FBXL17: variants seen among roughly 807,000 people sequenced by gnomAD.
The protein encoded by FBXL17 is F-box and leucine rich repeat protein 17.
A neutral mutation model predicts 66.2 loss-of-function variants in FBXL17; 22 were observed. That is an observed-to-expected ratio of 0.33 (90% CI 0.24 to 0.47). FBXL17 has a LOEUF of 0.47. Ranked by LOEUF, FBXL17 falls within the 20% of genes least tolerant of loss-of-function variation. The pLI, the probability that FBXL17 is intolerant of heterozygous loss-of-function variation, is 1.00. For synonymous variants in FBXL17, 474 were observed against 400.5 expected (o/e 1.18, Z -2.19); for missense variants, 878 against 948.2 (o/e 0.93, Z 0.97).
intron 6 of FBXL17, among the ~76,000 whole-genome samples, chr5:108,120,593 G>A (rs537199357): frequency 2.0e-5 from 3 of 152,260 alleles, no homozygotes; most frequent in Admixed American, 2.0e-4. Context: ...CGCTTTGGGA[G>A]GTGGAGGCAG....
chr5:108,307,100 G>A (rs1006833602), intron 4 of FBXL17, among the ~76,000 whole-genome samples: 7 of 151,942 alleles, frequency 4.6e-5, no homozygotes, highest in Non-Finnish European at 1.0e-4. Flanking sequence ...GTATCAATGT[G>A]TGTAACGCAG....
At chr5:107,870,041 C>T (rs1458085178) in intron 8 of FBXL17, among the ~76,000 whole-genome samples, 2 of 152,266 alleles carry the variant, frequency 1.3e-5, no homozygotes, top group Non-Finnish European at 2.9e-5. Context: ...TTTAAAAATC[C>T]CAATGCCCAG....
In FBXL17 at chr5:108,154,602, A is replaced by AT. The variant is rs1465441615; in HGVS notation, c.1745+31514_1745+31515insA. Among the ~76,000 whole-genome samples the AT allele has an allele frequency of 4.1e-4, 30 of 72,926 alleles. No homozygotes were observed. The East Asian group carries it at 5.3e-3, about 13-fold the overall frequency. The allele number at this position is 72,926 out of a possible 152,430, so 47.8% of individuals were successfully genotyped here. On this transcript the variant is annotated intron_variant, in intron 6 of 8. Transcript: ENST00000542267. ...TGAAACTCAGTTTCAAAAAAAAAAA[A>AT]AAAAATATATATATACACACACACA...
chr5:108,081,390 G>C (rs902753324), intron 6 of FBXL17, among the ~76,000 whole-genome samples: 8 of 152,126 alleles, frequency 5.3e-5, no homozygotes, highest in African/African-American at 1.9e-4. Context: ...ATTTTGAGAA[G>C]TTAGGGTTCC....
At chr5:108,203,220 T>C (rs1304019830) in intron 5 of FBXL17, among the ~76,000 whole-genome samples, 1 of 152,076 alleles carries the variant, frequency 6.6e-6, no homozygotes, top group Non-Finnish European at 1.5e-5. Flanking sequence ...TCTTTAGTTA[T>C]GTGCCAAGAA....
chr5:107,890,516 A>T (rs1176178799), intron 7 of FBXL17, among the ~76,000 whole-genome samples: 2 of 151,798 alleles, frequency 1.3e-5, no homozygotes, highest in Non-Finnish European at 2.9e-5. Flanking sequence ...AAAAAAAAAT[A>T]AGCTGGGTGT....
rs369221906 is a variant in FBXL17, at chr5:108,160,453, GAGA to G, written c.1745+25661_1745+25663del. Among the ~76,000 whole-genome samples the G allele has an allele frequency of 3.1e-3, 471 of 152,282 alleles. 3 individuals carry two copies. Among genetic ancestry groups the G allele is most frequent in the African/African-American group, 0.011 (454 of 41,564 alleles). ...AACCACTACTTTCTTGTGAAACAAAGAGAAGAAGAAGAAAGTTCTCAGTTAGTA... is the reference window on the plus strand; with the variant it reads ...AACCACTACTTTCTTGTGAAACAAAGAGAAGAAGAAAGTTCTCAGTTAGTA... On this transcript the variant is annotated intron_variant, in intron 6 of 8. Coordinates refer to ENST00000542267, the MANE Select transcript of FBXL17 (RefSeq NM_001163315.3).
At chr5:107,864,611 G>C (rs1454122384) in intron 8 of FBXL17, among the ~76,000 whole-genome samples, 1 of 152,148 alleles carries the variant, frequency 6.6e-6, no homozygotes, top group African/African-American at 2.4e-5. Flanking sequence ...CTGTCTTCGA[G>C]ATAGTGGGGG....
At chr5:107,870,601 T>C (rs944458310) in intron 8 of FBXL17, among the ~76,000 whole-genome samples, 1 of 151,928 alleles carries the variant, frequency 6.6e-6, no homozygotes, top group African/African-American at 2.4e-5. Flanking sequence ...CTTTTTTTTT[T>C]TTTTGAGATG....
rs1001081490 is a variant in FBXL17 at position 107,903,619 on chromosome 5, G to A, written c.1823-22440C>T. On this transcript the variant is annotated intron_variant, in intron 7 of 8. Transcript: ENST00000542267. ...TGAGGTCTGCCTGGTCCAGAAGCCTGTATTCTTATATCAAAGAACTGTGGT... is the reference window on the plus strand; with the variant it reads ...TGAGGTCTGCCTGGTCCAGAAGCCTATATTCTTATATCAAAGAACTGTGGT... 7.9e-5 allele frequency among the ~76,000 whole-genome samples: 12 copies of A among 152,152 alleles called. 1 individual carries two copies. The highest frequency in any genetic ancestry group is 1.8e-4 in the Non-Finnish European group (12 of 68,022).
At chr5:108,033,251 T>G (rs1400670078) in intron 6 of FBXL17, among the ~76,000 whole-genome samples, 1 of 152,190 alleles carries the variant, frequency 6.6e-6, no homozygotes, top group Non-Finnish European at 1.5e-5. Context: ...TATCTTATTT[T>G]TTATGCATTT....
At chr5:108,004,055 AAAG>A (rs1021740012) in intron 7 of FBXL17, among the ~76,000 whole-genome samples, 1 of 152,182 alleles carries the variant, frequency 6.6e-6, no homozygotes, top group Non-Finnish European at 1.5e-5. Context: ...TTAAAAGTAA[AAAG>A]AAGATATTGC....
At chr5:107,921,080 AC>A (rs1561321604) in intron 7 of FBXL17, among the ~76,000 whole-genome samples, 1 of 152,248 alleles carries the variant, frequency 6.6e-6, no homozygotes, top group Non-Finnish European at 1.5e-5. Context: ...TTAAAAACTA[AC>A]ATTGTTTGAC....
chr5:108,298,600 A>G (rs1009073897), intron 4 of FBXL17: 2 of 947,866 alleles, frequency 2.1e-6, no homozygotes, highest in Non-Finnish European at 2.5e-6. Flanking sequence ...GTAAAAAAAT[A>G]TAAATCTTTT....
chr5:108,360,503 T>C (rs1748276254), intron 3 of FBXL17, among the ~76,000 whole-genome samples: 1 of 152,150 alleles, frequency 6.6e-6, no homozygotes, highest in Non-Finnish European at 1.5e-5. Context: ...ACTTATCTTT[T>C]GCTGCTTTGA....
At chr5:107,919,281 C>T (rs1750233702) in intron 7 of FBXL17, among the ~76,000 whole-genome samples, 1 of 152,146 alleles carries the variant, frequency 6.6e-6, no homozygotes, top group Non-Finnish European at 1.5e-5. Context: ...GTCCTGTTGG[C>T]TCCGCTTTCC....
chr5:107,955,815 G>T (rs1394838293), intron 7 of FBXL17, among the ~76,000 whole-genome samples: 1 of 152,090 alleles, frequency 6.6e-6, no homozygotes, highest in East Asian at 1.9e-4. Context: ...AAAATAAGTT[G>T]TGTCTACTAA....
At chr5:108,012,104 G>A (rs1274006475) in intron 7 of FBXL17, among the ~76,000 whole-genome samples, 1 of 152,112 alleles carries the variant, frequency 6.6e-6, no homozygotes, top group Non-Finnish European at 1.5e-5. Flanking sequence ...CTGCAATGGG[G>A]AAATTTTAGT....
At position 108,283,230 on chromosome 5, in the gene FBXL17, C is replaced by T. The variant is rs534431798; in HGVS notation, c.1507-59002G>A. Among the ~76,000 whole-genome samples the T allele has an allele frequency of 5.9e-5, 9 of 151,908 alleles. No homozygotes were observed. The East Asian group carries it at 1.7e-3, about 29-fold the overall frequency. ...ACAAAAAGCACAAAGCTAGAGTCAT[C>T]ACATTAGCTGATATCAAATTATATT... On this transcript the variant is annotated intron_variant, in intron 4 of 8. Coordinates refer to ENST00000542267, the MANE Select transcript of FBXL17 (RefSeq NM_001163315.3).
Sources: allele counts gnomAD v4.1 joint callset (sites outside exome capture counted in the v4.1 genomes callset), GRCh38; gene constraint gnomAD v4.1.1; transcripts MANE v1.5; gene names NCBI Gene and HGNC (gene_info 2026-07-23, HGNC 2026-07-21).